The following RHOT1 variants were observed in gnomAD, a reference collection of about 807,000 sequenced individuals.
The protein encoded by RHOT1 is ras homolog family member T1, also known as mitochondrial Rho GTPase 1.
Under a neutral mutation model 95.3 loss-of-function variants are expected in RHOT1, and 27 were observed. The observed-to-expected ratio is 0.28, with a 90% CI of 0.21 to 0.39. RHOT1 has a LOEUF of 0.39. Ranked by LOEUF, RHOT1 falls within the 10% of genes least tolerant of loss-of-function variation. The pLI is 1.00. For synonymous variants in RHOT1, 227 were observed against 263.5 expected (o/e 0.86, Z 1.34); for missense variants, 578 against 786.7 (o/e 0.73, Z 3.17).
At position 32,225,568 on chromosome 17, in the gene RHOT1, A is replaced by G. The variant is rs547343175; in HGVS notation, c.*835A>G. ...TGTTATAGTATATTACAGTAACTGC[A>G]TGTGTCACCAAGTGTTCTATATCAG... On this transcript the variant is annotated 3_prime_UTR_variant, in exon 20 of 20. Coordinates refer to ENST00000545287, the MANE Select transcript of RHOT1 (RefSeq NM_001033566.3). 5.2e-5 allele frequency: 8 copies of G among 152,716 alleles called. No homozygotes were observed. The highest frequency in any genetic ancestry group is 1.9e-4 in the African/African-American group (8 of 41,582). 9.5% of individuals were successfully genotyped at this position (152,716 alleles called of 1,614,324 possible).
intron 1 of RHOT1, among the ~76,000 whole-genome samples, chr17:32,146,258 A>T (rs902708042): frequency 6.6e-6 from 1 of 151,890 alleles, no homozygotes; most frequent in Non-Finnish European, 1.5e-5. Flanking sequence ...AAGGCAGGGG[A>T]TTTGTCTTCC....
In RHOT1 at chr17:32,165,067, G is replaced by A. The variant is rs141513503; in HGVS notation, c.38-5976G>A. On this transcript the variant is annotated intron_variant, in intron 1 of 19. Coordinates refer to ENST00000545287, the MANE Select transcript of RHOT1 (RefSeq NM_001033566.3). Reference sequence around the variant, plus strand: ...AAAAAAAACAGGGCCGGGCGTGGGCGTGGTGGCTTACGCCTGTAATCCCAG... The same window carrying A: ...AAAAAAAACAGGGCCGGGCGTGGGCATGGTGGCTTACGCCTGTAATCCCAG... Among the ~76,000 whole-genome samples the A allele has an allele frequency of 1.3e-3, 202 of 152,184 alleles. 5 individuals are homozygous for A. In the East Asian group the frequency reaches 0.028, roughly 21 times the overall value.
Position 32,142,595 on chromosome 17 carries a change from C to G in RHOT1, c.-98C>G. On this transcript the variant is annotated 5_prime_UTR_variant, in exon 1 of 20. Transcript: ENST00000545287. ...GGGCGGCGCGGCGGGCCCCGGCGGC[C>G]GAAGAGGCTGGCAGGTGGCGCCGTG... 9.0e-7 allele frequency: 1 copy of G among 1,106,268 alleles called. No individual in the cohort carries two copies. Among genetic ancestry groups the G allele is most frequent in the Non-Finnish European group, 1.2e-6 (1 of 824,620 alleles). 68.5% of individuals were successfully genotyped at this position (1,106,268 alleles called of 1,614,324 possible). A position where few individuals can be genotyped will look rare whatever the true frequency, so the allele number is the denominator to read the frequency against.
intron 1 of RHOT1, among the ~76,000 whole-genome samples, chr17:32,162,880 A>G (rs2033693059): frequency 6.6e-6 from 1 of 152,194 alleles, no homozygotes; most frequent in African/African-American, 2.4e-5. Flanking sequence ...ACCATCCTTG[A>G]AAGATAATTA....
chr17:32,158,044 CAG>C (rs2033140793), intron 1 of RHOT1, among the ~76,000 whole-genome samples: 1 of 152,124 alleles, frequency 6.6e-6, no homozygotes, highest in African/African-American at 2.4e-5. Flanking sequence ...CTTATAGAGA[CAG>C]AATCTCGCCA....
At chr17:32,149,459 TTAAA>T (rs2031878737) in intron 1 of RHOT1, among the ~76,000 whole-genome samples, 2 of 150,354 alleles carry the variant, frequency 1.3e-5, no homozygotes, top group South Asian at 4.2e-4. Flanking sequence ...GTAAGCATAT[TTAAA>T]TAGTTTTTAG....
intron 1 of RHOT1, among the ~76,000 whole-genome samples, chr17:32,152,381 C>G (rs1361104185): frequency 6.6e-6 from 1 of 152,128 alleles, no homozygotes; most frequent in Non-Finnish European, 1.5e-5. Flanking sequence ...GTTGTCTGTT[C>G]TGAAAATATC....
At chr17:32,151,824 A>C (rs942038458) in intron 1 of RHOT1, among the ~76,000 whole-genome samples, 7 of 149,622 alleles carry the variant, frequency 4.7e-5, no homozygotes, top group Admixed American at 2.7e-4. Context: ...GGAGGTTGCA[A>C]TGAGCTGAGA....
At chr17:32,164,016 G>T (rs548618116) in intron 1 of RHOT1, among the ~76,000 whole-genome samples, 1 of 152,024 alleles carries the variant, frequency 6.6e-6, no homozygotes, top group Admixed American at 6.5e-5. Flanking sequence ...TTAGCCAGAC[G>T]TGGTGGTGTG....
intron 6 of RHOT1, among the ~76,000 whole-genome samples, chr17:32,181,973 G>C (rs1158951400): frequency 6.6e-6 from 1 of 152,138 alleles, no homozygotes; most frequent in Non-Finnish European, 1.5e-5. Context: ...TGCACATGCT[G>C]TTCCTTCCTC....
At chr17:32,149,635 A>ATATATATATATATATATATATG (rs1445281403) in intron 1 of RHOT1, among the ~76,000 whole-genome samples, 1 of 59,098 alleles carries the variant, frequency 1.7e-5, no homozygotes, top group Non-Finnish European at 3.4e-5. Context: ...ATATATATAT[A>ATATATATATATATATATATATG]TGTGTGTGTG....
At chr17:32,211,923 G>A (rs1041674393) in intron 19 of RHOT1, among the ~76,000 whole-genome samples, 3 of 152,112 alleles carry the variant, frequency 2.0e-5, no homozygotes, top group East Asian at 3.9e-4. Context: ...GAAAAAAAAA[G>A]GATGCATATA....
intron 11 of RHOT1, among the ~76,000 whole-genome samples, chr17:32,196,623 AC>A (rs2036911183): frequency 6.6e-6 from 1 of 152,042 alleles, no homozygotes; most frequent in Non-Finnish European, 1.5e-5. Flanking sequence ...TCTTTTCTAC[AC>A]CAGGCTTTTG....
At chr17:32,178,872 C>T in intron 6 of RHOT1, 1 of 154,960 alleles carries the variant, frequency 6.5e-6, no homozygotes, top group Non-Finnish European at 1.4e-5. Flanking sequence ...CTCTGCCCGG[C>T]CGCCACCCCA....
At chr17:32,219,408 T>G (rs2142958571) in intron 19 of RHOT1, among the ~76,000 whole-genome samples, 1 of 152,270 alleles carries the variant, frequency 6.6e-6, no homozygotes, top group Admixed American at 6.5e-5. Flanking sequence ...GATTACAGTG[T>G]GAGCCTCTGT....
intron 1 of RHOT1, among the ~76,000 whole-genome samples, chr17:32,167,212 G>T (rs1465674105): frequency 2.6e-5 from 4 of 151,848 alleles, no homozygotes; most frequent in Non-Finnish European, 4.4e-5. Context: ...TTTTTTTGAG[G>T]AGTAGGTCTC....
chr17:32,203,930 C>T lies in RHOT1; in HGVS notation c.1373C>T (p.Ala458Val), dbSNP rs753513356. 5.6e-6 allele frequency: 9 copies of T among 1,612,454 alleles called. No individual in the cohort carries two copies. The highest frequency in any genetic ancestry group is 1.1e-5 in the South Asian group (1 of 90,794). The change falls in exon 16 of 20, where the codon GCG becomes GTG. Residue 458 changes from alanine (A) to valine (V), a missense_variant. By Grantham distance (64) the Ala-to-Val change is moderately conservative. Coordinates refer to ENST00000545287, the MANE Select transcript of RHOT1 (RefSeq NM_001033566.3). ...KIREDHKSYYAINTVYVYGQE... is the reference protein window; with the variant it reads ...KIREDHKSYYVINTVYVYGQE... ...CGTGAAGATCATAAATCCTACTATG[C>T]GATTAACACTGTTTATGTATATGGA...
intron 1 of RHOT1, among the ~76,000 whole-genome samples, chr17:32,153,036 A>G (rs548502121): frequency 2.6e-5 from 4 of 152,176 alleles, no homozygotes; most frequent in Non-Finnish European, 5.9e-5. Context: ...TCCTGGGCTC[A>G]AGTGATGTGC....
chr17:32,186,022 T>C (rs1036518843), intron 8 of RHOT1, among the ~76,000 whole-genome samples: 6 of 152,144 alleles, frequency 3.9e-5, no homozygotes, highest in African/African-American at 1.4e-4. Context: ...ACTCCTGGCC[T>C]GTTTTAAATT....
Sources: gnomAD v4.1 joint callset for allele counts (sites outside exome capture counted in the v4.1 genomes callset) on GRCh38, gnomAD v4.1.1 for gene constraint, MANE v1.5 for transcripts, NCBI Gene and HGNC (gene_info 2026-07-23, HGNC 2026-07-21) for gene names.